MGLL: variants seen among roughly 807,000 people sequenced by gnomAD.
MGLL encodes lysophospholipase homolog.
Under a neutral mutation model 29.1 loss-of-function variants are expected in MGLL, and 7 were observed. That is an observed-to-expected ratio of 0.24 (90% CI 0.14 to 0.45). MGLL has a LOEUF of 0.45. MGLL is among the 20% of genes least tolerant of loss of function. MGLL has a pLI of 0.99. For missense variants in MGLL, 356 were observed against 413.6 expected, an observed-to-expected ratio of 0.86 and a Z score of 1.21; for synonymous variants, 148 against 168.3, an observed-to-expected ratio of 0.88 and a Z score of 0.93.
chr3:127,743,309 C>T (rs2076379583), intron 3 of MGLL, among the ~76,000 whole-genome samples: 1 of 152,126 alleles, frequency 6.6e-6, no homozygotes, highest in Non-Finnish European at 1.5e-5. Flanking sequence ...CTTCCTACTT[C>T]AGGCTGCAAC....
intron 5 of MGLL, chr3:127,716,013 C>CT (rs923927563): frequency 2.1e-4 from 77 of 358,428 alleles, no homozygotes; most frequent in Middle Eastern, 4.2e-4. Context: ...TGAGACCCCC[C>CT]GCACCTGCCC....
chr3:127,746,198 C>T (rs1027854712), intron 3 of MGLL, among the ~76,000 whole-genome samples: 1 of 152,156 alleles, frequency 6.6e-6, no homozygotes, highest in African/African-American at 2.4e-5. Context: ...GCACGTCCTC[C>T]TGACTCTCCT....
chr3:127,751,108 G>C (rs982727743), intron 3 of MGLL, among the ~76,000 whole-genome samples: 2 of 152,124 alleles, frequency 1.3e-5, no homozygotes, highest in African/African-American at 2.4e-5. Context: ...CCCTGGGATG[G>C]AGAAAAGCGA....
chr3:127,729,231 C>T (rs568922325), intron 3 of MGLL, among the ~76,000 whole-genome samples: 16 of 152,226 alleles, frequency 1.1e-4, no homozygotes, highest in Admixed American at 2.6e-4. Context: ...CCCCACTCCA[C>T]GGGTATAAAG....
chr3:127,716,211 C>T (rs973119607), intron 5 of MGLL, among the ~76,000 whole-genome samples: 29 of 152,342 alleles, frequency 1.9e-4, no homozygotes, highest in African/African-American at 6.3e-4. Context: ...TTTGGAGACG[C>T]GAAGCAGGCA....
rs1422978004 is a variant in MGLL, at chr3:127,694,960, G to A, written c.816+15C>T. 3.1e-6 allele frequency: 5 copies of A among 1,612,858 alleles called. No individual in the cohort carries two copies. Among genetic ancestry groups the A allele is most frequent in the Non-Finnish European group, 4.2e-6 (5 of 1,179,220 alleles). On this transcript the variant is annotated intron_variant, in intron 7 of 7. Coordinates refer to ENST00000265052, the MANE Select transcript of MGLL (RefSeq NM_007283.7). ...CTCCACCTTGGGGGGAAGTGGGCAA[G>A]TGGCAGCCGCTCACCTTGAGAGTCT...
intron 2 of MGLL, among the ~76,000 whole-genome samples, chr3:127,808,826 T>C (rs1478124812): frequency 6.6e-6 from 1 of 152,220 alleles, no homozygotes; most frequent in African/African-American, 2.4e-5. Context: ...TGCTCCTCCA[T>C]ATCTGTCTTG....
intron 5 of MGLL, chr3:127,713,440 A>T (rs2075757588): frequency 6.6e-6 from 1 of 152,306 alleles, no homozygotes; most frequent in Non-Finnish European, 1.5e-5. Flanking sequence ...TCCCAGGTCA[A>T]CCCACCTGCC....
At chr3:127,720,949 T>C in intron 5 of MGLL, 104 bp downstream of exon 5, 1 of 966,902 alleles carries the variant, frequency 1.0e-6, no homozygotes, top group South Asian at 1.4e-5. Context: ...GTGTCTGAGG[T>C]CCAAGGATGG....
intron 3 of MGLL, among the ~76,000 whole-genome samples, chr3:127,748,264 C>T (rs1055742615): frequency 2.6e-5 from 4 of 152,046 alleles, no homozygotes; most frequent in Non-Finnish European, 4.4e-5. Context: ...GAGGACCATT[C>T]GAATTAAATC....
At position 127,732,058 on chromosome 3, in the gene MGLL, C is replaced by A. The variant is rs191722139; in HGVS notation, c.263-9492G>T. On this transcript the variant is annotated intron_variant, in intron 3 of 7. Transcript: ENST00000265052. ...ATGAGTCCCCCGGGAACCTATAGAA[C>A]CCTGGTGATCCTGTTACTGCTGGAA... Among the ~76,000 whole-genome samples, 4 of 152,294 alleles carry A rather than the reference C, an allele frequency of 2.6e-5. No homozygotes were observed. The East Asian group carries it at 7.7e-4, about 29-fold the overall frequency.
chr3:127,801,815 A>T (rs78550392), intron 2 of MGLL, among the ~76,000 whole-genome samples: 28,518 of 147,782 alleles, frequency 0.19, 3,277 homozygotes, highest in African/African-American at 0.3. Context: ...TTATAATATA[A>T]AATATTTATA....
At chr3:127,723,623 C>G (rs4974413) in intron 3 of MGLL, among the ~76,000 whole-genome samples, 4 of 152,124 alleles carry the variant, frequency 2.6e-5, no homozygotes, top group African/African-American at 4.8e-5. Flanking sequence ...CAGCACTCCC[C>G]CTTTCCTTGC....
chr3:127,733,629 C>T (rs1312535522), intron 3 of MGLL, among the ~76,000 whole-genome samples: 1 of 152,130 alleles, frequency 6.6e-6, no homozygotes, highest in Non-Finnish European at 1.5e-5. Flanking sequence ...CTGGCCTCTA[C>T]CTAGAGAGAG....
intron 2 of MGLL, among the ~76,000 whole-genome samples, chr3:127,789,188 T>C (rs369990828): frequency 6.6e-6 from 1 of 151,994 alleles, no homozygotes; most frequent in East Asian, 1.9e-4. Context: ...CCCTGAGGCA[T>C]GTGGTGGCCA....
chr3:127,739,762 C>G (rs974405666), intron 3 of MGLL, among the ~76,000 whole-genome samples: 1 of 152,176 alleles, frequency 6.6e-6, no homozygotes, highest in African/African-American at 2.4e-5. Context: ...CTGGATGCCA[C>G]GCAGGGGTGT....
chr3:127,745,213 A>G (rs756541947), intron 3 of MGLL, among the ~76,000 whole-genome samples: 2 of 152,230 alleles, frequency 1.3e-5, no homozygotes, highest in Non-Finnish European at 2.9e-5. Context: ...AGGCAAGTGA[A>G]AGCACCTGTC....
intron 3 of MGLL, among the ~76,000 whole-genome samples, chr3:127,723,690 A>G (rs2075979249): frequency 6.6e-6 from 1 of 152,184 alleles, no homozygotes; most frequent in African/African-American, 2.4e-5. Flanking sequence ...GTGCTATCAT[A>G]TCCGTAACAT....
chr3:127,803,329 T>C (rs1405606043), intron 2 of MGLL, among the ~76,000 whole-genome samples: 2 of 152,152 alleles, frequency 1.3e-5, no homozygotes, highest in African/African-American at 4.8e-5. Context: ...TGTTTGCTCT[T>C]GTTCTGGCAG....
Sources: gnomAD v4.1 joint callset for allele counts (sites outside exome capture counted in the v4.1 genomes callset) on GRCh38, gnomAD v4.1.1 for gene constraint, MANE v1.5 for transcripts, NCBI Gene and HGNC (gene_info 2026-07-23, HGNC 2026-07-21) for gene names.